Variants in PDE1A observed in about 807,000 individuals in gnomAD.
The protein encoded by PDE1A is dual specificity calcium/calmodulin-dependent 3',5'-cyclic nucleotide phosphodiesterase 1A.
A neutral mutation model predicts 61.7 loss-of-function variants in PDE1A; 35 were observed. The ratio of observed to expected loss-of-function variants is 0.57; its 90% confidence interval spans 0.43 to 0.75. PDE1A has a LOEUF of 0.75. PDE1A is among the 30% of genes least tolerant of loss of function. The pLI, the probability that PDE1A is intolerant of heterozygous loss-of-function variation, is 0.00. For synonymous variants in PDE1A, 232 were observed against 213.2 expected, an observed-to-expected ratio of 1.09 and a Z score of -0.77; for missense variants, 597 against 630.6, an observed-to-expected ratio of 0.95 and a Z score of 0.57.
intron 1 of PDE1A, among the ~76,000 whole-genome samples, chr2:182,266,689 T>C (rs1425327682): frequency 6.6e-6 from 1 of 152,092 alleles, no homozygotes; most frequent in Non-Finnish European, 1.5e-5. Flanking sequence ...TGCATGGAGG[T>C]TGTTGGTGAA....
At chr2:182,534,808 C>T in the PDE1A span, among the ~76,000 whole-genome samples, 24 of 151,432 alleles carry the variant, frequency 1.6e-4, no homozygotes, top group Admixed American at 5.9e-4. Flanking sequence ...TTGTTGAATT[C>T]GTCTCTTTGT....
In PDE1A at chr2:182,295,057, C is replaced by CTTTTTTTTTTTTTTTTTTTTTTT; in HGVS notation, c.54-30666_54-30644dup. ...ACGACCAATCAAAATAAAAGGTAAT[C>CTTTTTTTTTTTTTTTTTTTTTTT]TTTTTTTTTTTTTTTTTTTTTTTTT... On this transcript the variant is annotated intron_variant, in intron 1 of 13. Coordinates refer to ENST00000351439, the Ensembl canonical transcript of PDE1A. 5.1e-5 allele frequency among the ~76,000 whole-genome samples: 3 copies of CTTTTTTTTTTTTTTTTTTTTTTT among 59,350 alleles called. 1 individual carries two copies. The highest frequency in any genetic ancestry group is 8.9e-5 in the Non-Finnish European group (3 of 33,744). The allele number at this position is 59,350 out of a possible 152,430, so 38.9% of individuals were successfully genotyped here. A position where few individuals can be genotyped will look rare whatever the true frequency, so the allele number is the denominator to read the frequency against.
chr2:182,422,084 C>A lies in PDE1A; in HGVS notation c.53+4494G>T, dbSNP rs570752472. The stretch of plus-strand genomic sequence containing the variant: ...TGTGAAGATCCCAATATGATGTTCA[C>A]TAGTCTTGAAACCTGGCTGCCTTTA... On this transcript the variant is annotated intron_variant, in intron 1 of 13. Coordinates refer to ENST00000351439, the Ensembl canonical transcript of PDE1A. 3.9e-5 allele frequency among the ~76,000 whole-genome samples: 6 copies of A among 152,290 alleles called. No individual in the cohort carries two copies. The East Asian group carries it at 1.2e-3, about 29-fold the overall frequency.
chr2:182,614,175 G>A, the PDE1A span, among the ~76,000 whole-genome samples: 1 of 152,144 alleles, frequency 6.6e-6, no homozygotes, highest in Non-Finnish European at 1.5e-5. Context: ...ACTTATTAAG[G>A]TTTTAGAACT....
At chr2:182,285,592 T>C (rs777151862) in intron 1 of PDE1A, among the ~76,000 whole-genome samples, 1 of 152,108 alleles carries the variant, frequency 6.6e-6, no homozygotes, top group Non-Finnish European at 1.5e-5. Context: ...CCACTTCCCA[T>C]GTGGATGTTG....
chr2:182,444,991 T>A (rs1047063529), intron 2 of PDE1A, among the ~76,000 whole-genome samples: 1 of 152,094 alleles, frequency 6.6e-6, no homozygotes, highest in Non-Finnish European at 1.5e-5. Flanking sequence ...CCAAAAATTG[T>A]TTTTATTGGC....
chr2:182,303,000 T>C (rs1485654357), intron 1 of PDE1A, among the ~76,000 whole-genome samples: 1 of 152,228 alleles, frequency 6.6e-6, no homozygotes, highest in South Asian at 2.1e-4. Flanking sequence ...CTACTTCTAA[T>C]TCTAGTTCTC....
intron 10 of PDE1A, among the ~76,000 whole-genome samples, chr2:182,198,935 T>C: frequency 6.6e-6 from 1 of 152,008 alleles, no homozygotes; most frequent in East Asian, 1.9e-4. Context: ...AATTGAATAT[T>C]GAGAATTGAA....
chr2:182,574,144 G>A, the PDE1A span, among the ~76,000 whole-genome samples: 2 of 151,932 alleles, frequency 1.3e-5, no homozygotes, highest in African/African-American at 4.8e-5. Context: ...CAGCACGGGA[G>A]AAAGATGTAG....
At chr2:182,368,012 T>C (rs1332827728) in intron 1 of PDE1A, among the ~76,000 whole-genome samples, 1 of 152,008 alleles carries the variant, frequency 6.6e-6, no homozygotes, top group Non-Finnish European at 1.5e-5. Context: ...AGGAGAGAGG[T>C]TAATATAATG....
At chr2:182,327,656 G>A (rs1189648486) in intron 1 of PDE1A, among the ~76,000 whole-genome samples, 1 of 152,118 alleles carries the variant, frequency 6.6e-6, no homozygotes, top group Non-Finnish European at 1.5e-5. Flanking sequence ...ATGACCACTG[G>A]GTTTAACAAC....
chr2:182,695,614 C>G, the PDE1A span, among the ~76,000 whole-genome samples: 1 of 142,836 alleles, frequency 7.0e-6, no homozygotes, highest in East Asian at 2.0e-4. Flanking sequence ...TTGCAGTGAG[C>G]CGAGATCGCG....
At position 182,177,328 on chromosome 2, in the gene PDE1A, G is replaced by A. The variant is rs538112127; in HGVS notation, c.1516+8564C>T. Among the ~76,000 whole-genome samples the A allele has an allele frequency of 2.6e-5, 4 of 151,890 alleles. No homozygotes were observed. In the South Asian group the frequency reaches 8.4e-4, roughly 32 times the overall value. Reference sequence around the variant, plus strand: ...ATCCATCTGGTCCTGGACTCTTTTTGGTTGGTAAGCTATTGATTATTGCCA... The same window carrying A: ...ATCCATCTGGTCCTGGACTCTTTTTAGTTGGTAAGCTATTGATTATTGCCA... On this transcript the variant is annotated intron_variant, in intron 13 of 13. Coordinates refer to ENST00000351439, the Ensembl canonical transcript of PDE1A.
chr2:182,483,254 C>T (rs1009371909), intron 2 of PDE1A, among the ~76,000 whole-genome samples: 4 of 151,732 alleles, frequency 2.6e-5, no homozygotes, highest in Non-Finnish European at 2.9e-5. Context: ...ATACTGTATT[C>T]TCAATATTTG....
chr2:182,661,819 G>A, the PDE1A span, among the ~76,000 whole-genome samples: 2 of 151,962 alleles, frequency 1.3e-5, no homozygotes, highest in Non-Finnish European at 2.9e-5. Flanking sequence ...GAAAATGTCA[G>A]GTACCTAGAA....
At chr2:182,157,044 T>G (rs2125288089) in intron 13 of PDE1A, among the ~76,000 whole-genome samples, 1 of 150,524 alleles carries the variant, frequency 6.6e-6, no homozygotes, top group African/African-American at 2.4e-5. Flanking sequence ...AGACAGAGTC[T>G]TGCTCTGTCA....
At chr2:182,329,847 T>A (rs2124930109) in intron 1 of PDE1A, among the ~76,000 whole-genome samples, 1 of 152,336 alleles carries the variant, frequency 6.6e-6, no homozygotes, top group Middle Eastern at 3.4e-3. Context: ...GCTTACTGTT[T>A]ATTTTAGAAA....
At chr2:182,564,881 C>T in the PDE1A span, among the ~76,000 whole-genome samples, 1 of 152,096 alleles carries the variant, frequency 6.6e-6, no homozygotes, top group African/African-American at 2.4e-5. Context: ...ACGTAGTTCT[C>T]GAGCCTTGGC....
At chr2:182,372,280 A>G (rs1700163733) in intron 1 of PDE1A, among the ~76,000 whole-genome samples, 1 of 152,226 alleles carries the variant, frequency 6.6e-6, no homozygotes, top group Non-Finnish European at 1.5e-5. Flanking sequence ...TGTGTTTGAC[A>G]TTACATAGGG....
Sources: gnomAD v4.1 joint callset for allele counts (sites outside exome capture counted in the v4.1 genomes callset) on GRCh38, gnomAD v4.1.1 for gene constraint, MANE v1.5 for transcripts, NCBI Gene and HGNC (gene_info 2026-07-23, HGNC 2026-07-21) for gene names.